DRC4: variants seen among roughly 807,000 people sequenced by gnomAD.
The protein encoded by DRC4 is dynein regulatory complex subunit 4.
At chr16:90,044,289 C>T in the DRC4 span, 1 of 434,200 alleles carries the variant, frequency 2.3e-6, no homozygotes, top group Non-Finnish European at 4.6e-6. Flanking sequence ...CAAAGCCTGA[C>T]CCTGGGCAGG....
chr16:90,037,250 C>T, the DRC4 span: 14 of 1,610,840 alleles, frequency 8.7e-6, no homozygotes, highest in South Asian at 2.2e-5. Context: ...GGAGGACATG[C>T]GGAAGAAGGA....
chr16:90,037,707 G>A, the DRC4 span: 5 of 1,528,540 alleles, frequency 3.3e-6, no homozygotes, highest in Non-Finnish European at 3.6e-6. Flanking sequence ...CGTGTTACTT[G>A]GATGACTGTG....
At chr16:90,036,066 C>A in the DRC4 span, 1 of 691,232 alleles carries the variant, frequency 1.4e-6, no homozygotes, top group Non-Finnish European at 2.2e-6. Context: ...CTGATTGTGG[C>A]TGGGTGGCCA....
the DRC4 span, chr16:90,036,622 T>C: frequency 6.5e-7 from 1 of 1,540,418 alleles, no homozygotes; most frequent in Non-Finnish European, 8.8e-7. Context: ...AGGCACACTC[T>C]GCCTGTCCTA....
the DRC4 span, among the ~76,000 whole-genome samples, chr16:90,021,874 A>AAAAAAAAAAAAAG: frequency 4.7e-5 from 6 of 127,238 alleles, 1 homozygote; most frequent in Non-Finnish European, 8.0e-5. Context: ...AAAAAAAAAA[A>AAAAAAAAAAAAAG]AAGCACCTGT....
At chr16:90,022,004 G>A in the DRC4 span, 1 of 152,138 alleles carries the variant, frequency 6.6e-6, no homozygotes, top group Non-Finnish European at 1.5e-5. Flanking sequence ...CAGAACAAGA[G>A]ATTAGTTAGA....
chr16:90,042,736 A>G, the DRC4 span, among the ~76,000 whole-genome samples: 31,929 of 152,092 alleles, frequency 0.21, 4,542 homozygotes, highest in East Asian at 0.79. Flanking sequence ...ACTGCTGTCT[A>G]GGCCATGTCT....
At chr16:90,043,522 C>A in the DRC4 span, 1 of 662,410 alleles carries the variant, frequency 1.5e-6, no homozygotes, top group Non-Finnish European at 2.6e-6. Flanking sequence ...CTGCAGGACC[C>A]TCACCCATGG....
the DRC4 span, among the ~76,000 whole-genome samples, chr16:90,034,583 C>T: frequency 6.6e-6 from 1 of 152,210 alleles, no homozygotes; most frequent in East Asian, 1.9e-4. Context: ...GATTGTGCCA[C>T]TGCACTCCAG....
the DRC4 span, chr16:90,040,422 G>A: frequency 5.0e-6 from 8 of 1,612,214 alleles, no homozygotes; most frequent in South Asian, 2.2e-5. Context: ...GCGCCGCTGT[G>A]GAGAAGAAGG....
At chr16:90,040,260 T>G in the DRC4 span, 1 of 1,537,340 alleles carries the variant, frequency 6.5e-7, no homozygotes, top group South Asian at 1.2e-5. Context: ...TGTCCCCAGG[T>G]GAGGGGCCTC....
chr16:90,036,683 A>C, the DRC4 span: 552 of 974,936 alleles, frequency 5.7e-4, 6 homozygotes, highest in African/African-American at 8.0e-3. Flanking sequence ...CTCCACCCCA[A>C]CACACCCAGT....
chr16:90,026,341 A>C, the DRC4 span, among the ~76,000 whole-genome samples: 1 of 152,142 alleles, frequency 6.6e-6, no homozygotes, highest in Admixed American at 6.5e-5. Flanking sequence ...AAAGTTGCTA[A>C]AACCACGCAC....
chr16:90,024,814 C>G, the DRC4 span, among the ~76,000 whole-genome samples: 1 of 151,500 alleles, frequency 6.6e-6, no homozygotes, highest in Non-Finnish European at 1.5e-5. Context: ...TCAAAAAAAA[C>G]AAAAACAAAA....
the DRC4 span, chr16:90,043,036 G>A: frequency 4.0e-6 from 3 of 745,130 alleles, no homozygotes; most frequent in South Asian, 5.9e-5. Context: ...CGCAGTGAAG[G>A]TGCTTGGAGC....
the DRC4 span, among the ~76,000 whole-genome samples, chr16:90,026,715 G>A: frequency 6.6e-6 from 1 of 151,730 alleles, no homozygotes; most frequent in Non-Finnish European, 1.5e-5. Context: ...ACGGGGTCTC[G>A]TTCTACTGCC....
the DRC4 span, chr16:90,035,617 G>A: frequency 3.2e-5 from 52 of 1,614,020 alleles, no homozygotes; most frequent in African/African-American, 6.7e-5. Flanking sequence ...AGTAATGGCC[G>A]CTTCTCCCTG....
chr16:90,032,808 G>A, the DRC4 span: 1 of 1,613,966 alleles, frequency 6.2e-7, no homozygotes, highest in Non-Finnish European at 8.5e-7. Context: ...CATGAAGCTG[G>A]CACAGAAAGA....
At chr16:90,035,849 C>T in the DRC4 span, 1 of 1,516,448 alleles carries the variant, frequency 6.6e-7, no homozygotes, top group Non-Finnish European at 8.8e-7. Context: ...CCAGTGGACC[C>T]ACTCAGAATC....
Sources: allele counts gnomAD v4.1 joint callset (sites outside exome capture counted in the v4.1 genomes callset), GRCh38; gene constraint gnomAD v4.1.1; transcripts MANE v1.5; gene names NCBI Gene and HGNC (gene_info 2026-07-23, HGNC 2026-07-21).